The following ENPEP variants were observed in gnomAD, a reference collection of about 807,000 sequenced individuals.
ENPEP encodes the protein AP-A.
In ENPEP, 103 loss-of-function variants were observed where a neutral mutation model predicts 114.5. The ratio of observed to expected loss-of-function variants is 0.90; its 90% confidence interval spans 0.77 to 1.06. The LOEUF (loss-of-function observed/expected upper bound fraction) is 1.06, where lower values mean the gene tolerates loss of function less well. Among genes scored for constraint, ENPEP ranks in the 50% least tolerant of loss-of-function variants. ENPEP has a pLI of 0.00. For synonymous variants in ENPEP, 420 were observed against 422.0 expected (o/e 1.00, Z 0.06); for missense variants, 1,196 against 1,161.3 (o/e 1.03, Z -0.43).
intron 1 of ENPEP, among the ~76,000 whole-genome samples, chr4:110,487,956 C>T (rs1270379631): frequency 6.6e-6 from 1 of 152,172 alleles, no homozygotes; most frequent in Non-Finnish European, 1.5e-5. Flanking sequence ...ACAAAGGTTA[C>T]TTCACCTAGG....
intron 10 of ENPEP, among the ~76,000 whole-genome samples, chr4:110,527,928 C>G (rs1726259678): frequency 6.6e-6 from 1 of 152,108 alleles, no homozygotes; most frequent in East Asian, 1.9e-4. Context: ...TTTTTACAAG[C>G]TGCTTGTTGG....
In ENPEP at chr4:110,545,510, T is replaced by C. The variant is rs142854137; in HGVS notation, c.2000+2440T>C. 2.8e-3 allele frequency among the ~76,000 whole-genome samples: 422 copies of C among 152,134 alleles called. 2 individuals carry two copies. The highest frequency in any genetic ancestry group is 9.8e-3 in the African/African-American group (406 of 41,526). On this transcript the variant is annotated intron_variant, in intron 13 of 19. Coordinates refer to ENST00000265162, the MANE Select transcript of ENPEP (RefSeq NM_001977.4). ...TGCAATGGGAATGGGGTGATTGATT[T>C]CCTCTTCGTTTCTCTGCTTGGAACT...
At chr4:110,536,394 C>A (rs1726627607) in intron 11 of ENPEP, among the ~76,000 whole-genome samples, 1 of 152,202 alleles carries the variant, frequency 6.6e-6, no homozygotes, top group African/African-American at 2.4e-5. Flanking sequence ...CCATCCCCTG[C>A]ATCTTGGAAT....
chr4:110,489,414 G>T (rs1035849775), intron 2 of ENPEP, among the ~76,000 whole-genome samples: 6 of 152,098 alleles, frequency 3.9e-5, no homozygotes, highest in Admixed American at 6.6e-5. Context: ...GTCAAGGGGT[G>T]GGGGGCTAGG....
chr4:110,504,230 T>C (rs2110348541), intron 3 of ENPEP, among the ~76,000 whole-genome samples: 1 of 152,186 alleles, frequency 6.6e-6, no homozygotes, highest in Admixed American at 6.5e-5. Context: ...GTGGTTGTAT[T>C]GTGGGCCCAA....
chr4:110,525,388 C>T (rs1726157307), intron 10 of ENPEP, among the ~76,000 whole-genome samples: 1 of 152,172 alleles, frequency 6.6e-6, no homozygotes. Flanking sequence ...CATCACTAGT[C>T]CTCTGGACGT....
At position 110,562,819 on chromosome 4, in the gene ENPEP, T is replaced by C. The variant is rs1014680209; in HGVS notation, c.*1261T>C. ...ATCTGCTATATCTAGAAAATCTAAA[T>C]TTATTTGGAACTTTCAAAAATGTAA... On this transcript the variant is annotated 3_prime_UTR_variant, in exon 20 of 20. Coordinates refer to ENST00000265162, the MANE Select transcript of ENPEP (RefSeq NM_001977.4). The C allele has an allele frequency of 5.3e-5, 8 of 152,134 alleles. No individual in the cohort carries two copies. Among genetic ancestry groups the C allele is most frequent in the Non-Finnish European group, 8.8e-5 (6 of 67,998 alleles). 9.4% of individuals were successfully genotyped at this position (152,134 alleles called of 1,614,324 possible).
chr4:110,519,142 T>C (rs774984038), intron 8 of ENPEP: 5 of 455,392 alleles, frequency 1.1e-5, no homozygotes, highest in Non-Finnish European at 2.2e-5. Context: ...CATTCCAAAG[T>C]GGCTTCATCC....
chr4:110,554,423 A>C (rs1435918148), intron 18 of ENPEP, among the ~76,000 whole-genome samples: 1 of 151,986 alleles, frequency 6.6e-6, no homozygotes, highest in Admixed American at 6.6e-5. Context: ...TCTAGCTCCC[A>C]ACCAAAATAC....
chr4:110,531,964 A>C (rs754847519), intron 11 of ENPEP, among the ~76,000 whole-genome samples: 1 of 152,112 alleles, frequency 6.6e-6, no homozygotes, highest in Non-Finnish European at 1.5e-5. Flanking sequence ...TTTGGTATGG[A>C]CTTTCACTTG....
rs1305552249 is a variant in ENPEP, at chr4:110,563,334, A to G, written c.*1776A>G. 6.6e-6 allele frequency: 1 copy of G among 152,182 alleles called. No homozygotes were observed. Among genetic ancestry groups the G allele is most frequent in the African/African-American group, 2.4e-5 (1 of 41,454 alleles). The allele number at this position is 152,182 out of a possible 1,614,324, so 9.4% of individuals were successfully genotyped here. A position where few individuals can be genotyped will look rare whatever the true frequency, so the allele number is the denominator to read the frequency against. On this transcript the variant is annotated 3_prime_UTR_variant, in exon 20 of 20. Transcript: ENST00000265162. Reference sequence around the variant, plus strand: ...AAATAAAACAGATTTCAACTTGCCTACAAGACATTCTATTTCATGCCTTTT... The same window carrying G: ...AAATAAAACAGATTTCAACTTGCCTGCAAGACATTCTATTTCATGCCTTTT...
chr4:110,548,339 C>A lies in ENPEP; in HGVS notation c.2151+13C>A. The A allele has an allele frequency of 2.6e-6, 4 of 1,530,664 alleles. No individual in the cohort carries two copies. Among genetic ancestry groups the A allele is most frequent in the East Asian group, 2.4e-5 (1 of 41,248 alleles). The allele number at this position is 1,530,664 out of a possible 1,614,324, so 94.8% of individuals were successfully genotyped here. On this transcript the variant is annotated intron_variant, in intron 14 of 19. Transcript: ENST00000265162. ...TCCTATGATTGAGGTGACGTTAATG[C>A]TATGGTATCTTATGAAAGTAAATGT...
At position 110,509,788 on chromosome 4, in the gene ENPEP, C is replaced by T; in HGVS notation, c.1175C>T (p.Ala392Val). 6.2e-7 allele frequency: 1 copy of T among 1,613,406 alleles called. No homozygotes were observed. Residue 392 changes from alanine to valine, a missense_variant, in exon 5 of 20, where the codon GCC becomes GTC. Physicochemically the swap from Ala to Val is moderately conservative, Grantham distance 64 (BLOSUM62 0). Coordinates refer to ENST00000265162, the MANE Select transcript of ENPEP (RefSeq NM_001977.4). ...SNQQRVATVV[A>V]HELVHQWFGN... ...CAACAGAGGGTGGCCACTGTGGTTG[C>T]CCATGAACTTGTGCATCAGGTACAG...
At position 110,563,965 on chromosome 4, in the gene ENPEP, A is replaced by AGAGTAG. The variant is rs1206647667; in HGVS notation, c.*2409_*2414dup. 6.6e-6 allele frequency: 1 copy of AGAGTAG among 152,194 alleles called. No individual in the cohort carries two copies. The highest frequency in any genetic ancestry group is 2.4e-5 in the African/African-American group (1 of 41,446). 9.4% of individuals were successfully genotyped at this position (152,194 alleles called of 1,614,324 possible). ...GTGTTAGTCCAAAAGTAGAAACAAC[A>AGAGTAG]GAGTAGGGGCAAAAATCTAGAACAA... On this transcript the variant is annotated 3_prime_UTR_variant, in exon 20 of 20. Coordinates refer to ENST00000265162, the MANE Select transcript of ENPEP (RefSeq NM_001977.4).
At position 110,513,431 on chromosome 4, in the gene ENPEP, T is replaced by C; in HGVS notation, c.1325T>C (p.Leu442Pro). The C allele has an allele frequency of 6.2e-7, 1 of 1,612,116 alleles. No homozygotes were observed. Among genetic ancestry groups the C allele is most frequent in the Non-Finnish European group, 8.5e-7 (1 of 1,179,080 alleles). Residue 442 changes from leucine (L) to proline (P), a missense_variant, in exon 7 of 20, where the codon CTT (leucine) becomes CCT (proline). Coordinates refer to ENST00000265162, the MANE Select transcript of ENPEP (RefSeq NM_001977.4). The part of the protein sequence containing the change: ...TDWQMRDQML[L>P]EDVLPVQEDD... Reference sequence around the variant, plus strand: ...TCATTTCAGCGTGACCAAATGTTACTTGAAGATGTATTACCTGTTCAAGAG... The same window carrying C: ...TCATTTCAGCGTGACCAAATGTTACCTGAAGATGTATTACCTGTTCAAGAG...
At chr4:110,530,612 T>G (rs1008800636) in intron 10 of ENPEP, among the ~76,000 whole-genome samples, 8 of 152,190 alleles carry the variant, frequency 5.3e-5, no homozygotes, top group African/African-American at 1.9e-4. Flanking sequence ...AGAGAAGCAC[T>G]GAAAACTCCT....
Position 110,489,246 on chromosome 4 carries a change from C to A in ENPEP, c.786+564C>A, listed in dbSNP as rs570986228. On this transcript the variant is annotated intron_variant, in intron 2 of 19. Coordinates refer to ENST00000265162, the MANE Select transcript of ENPEP (RefSeq NM_001977.4). ...AACAGGCTATAAAAAAGGATGAGTT[C>A]ATGTCCTTTGCATGAACGTGGATGA... 8.9e-4 allele frequency among the ~76,000 whole-genome samples: 135 copies of A among 151,442 alleles called. 1 individual carries two copies. Among genetic ancestry groups the A allele is most frequent in the African/African-American group, 3.0e-3 (125 of 41,348 alleles).
At chr4:110,511,024 A>G (rs1020046712) in intron 6 of ENPEP, among the ~76,000 whole-genome samples, 22 of 152,172 alleles carry the variant, frequency 1.4e-4, no homozygotes, top group African/African-American at 5.1e-4. Context: ...TTTTTTCAGA[A>G]AAGCTAGGTA....
At chr4:110,534,206 G>A (rs577156685) in intron 11 of ENPEP, among the ~76,000 whole-genome samples, 4 of 3,750 alleles carry the variant, frequency 1.1e-3, no homozygotes, top group South Asian at 0.056. Flanking sequence ...AATTCTTCAG[G>A]CAATAGTGGG....
Sources: allele counts gnomAD v4.1 joint callset (sites outside exome capture counted in the v4.1 genomes callset), GRCh38; gene constraint gnomAD v4.1.1; transcripts MANE v1.5; gene names NCBI Gene and HGNC (gene_info 2026-07-23, HGNC 2026-07-21).